The following TBL3 variants were observed in gnomAD, a reference collection of about 807,000 sequenced individuals.
The protein encoded by TBL3 is transducin beta-like protein 3.
A neutral mutation model predicts 102.7 loss-of-function variants in TBL3; 71 were observed. The observed-to-expected ratio is 0.69, with a 90% CI of 0.57 to 0.84. TBL3 has a LOEUF of 0.84. Ranked by LOEUF, TBL3 falls within the 40% of genes least tolerant of loss-of-function variation. The pLI, the probability that TBL3 is intolerant of heterozygous loss-of-function variation, is 0.00. For synonymous variants in TBL3, 578 were observed against 477.7 expected (o/e 1.21, Z -2.74); for missense variants, 1,188 against 1,098.5 (o/e 1.08, Z -1.15).
At position 1,979,731 on chromosome 16, in the gene TBL3, C is replaced by T. The variant is rs2083458728; in HGVS notation, c.*1046C>T. On this transcript the variant is annotated 3_prime_UTR_variant, in exon 22 of 22. Coordinates refer to ENST00000568546, the MANE Select transcript of TBL3 (RefSeq NM_006453.3). ...CGCCCTGCCCGCGGTGCTTCTGGCC[C>T]AGTCTTGCCACACGGTCAAGCCGCA... 3 of 1,358,732 alleles carry T rather than the reference C, an allele frequency of 2.2e-6. No homozygotes were observed. The highest frequency in any genetic ancestry group is 2.8e-5 in the South Asian group (2 of 71,988). 84.2% of individuals were successfully genotyped at this position (1,358,732 alleles called of 1,614,324 possible). A position where few individuals can be genotyped will look rare whatever the true frequency, so the allele number is the denominator to read the frequency against.
rs200275880 is a variant in TBL3 at position 1,977,751 on chromosome 16, G to T, written c.1909G>T (p.Glu637Ter). The T allele has an allele frequency of 1.3e-6, 2 of 1,554,648 alleles. No homozygotes were observed. Among genetic ancestry groups the T allele is most frequent in the Non-Finnish European group, 1.7e-6 (2 of 1,148,552 alleles). Residue 637 changes from glutamate to a stop codon, truncating the protein, a stop_gained, in exon 18 of 22, where the codon GAG becomes TAG. Coordinates refer to ENST00000568546, the MANE Select transcript of TBL3 (RefSeq NM_006453.3). LOFTEE classifies it high-confidence loss of function. The stretch of plus-strand genomic sequence containing the variant: ...CCTAGTCTAACCCCAGGATGTGACC[G>T]AGGCGGAGCAGGCAGAGGAGCAGGC... Reference protein sequence around the residue: ...SRVILWKDVTEAEQAEEQARQ... With the variant: ...SRVILWKDVT
At chr16:1,973,562 C>T (rs1597047138) in intron 1 of TBL3, among the ~76,000 whole-genome samples, 2 of 152,248 alleles carry the variant, frequency 1.3e-5, no homozygotes, top group South Asian at 2.1e-4. Context: ...AGAAGGGGCA[C>T]GAGTGAGGTC....
rs377614051 is a variant in TBL3, at chr16:1,977,571, G to T, written c.1800G>T (p.Thr600=). Residue 600 remains threonine, a synonymous_variant, in exon 17 of 22, where the codon ACG becomes ACT. Coordinates refer to ENST00000568546, the MANE Select transcript of TBL3 (RefSeq NM_006453.3). ...WTIKNNECVR[T]LDAHEDKVWG... ...TCAAGAACAACGAGTGTGTGCGGAC[G>T]CTGGATGCCCACGAGGACAAGGTCT... 2.3e-4 allele frequency: 366 copies of T among 1,587,170 alleles called. 6 individuals are homozygous for T. The South Asian group carries it at 3.6e-3, about 16-fold the overall frequency.
In TBL3 at chr16:1,982,427, A is replaced by C. The variant is rs2083522171; in HGVS notation, c.*3742A>C. 6.6e-6 allele frequency: 1 copy of C among 152,178 alleles called. No individual in the cohort carries two copies. The highest frequency in any genetic ancestry group is 1.5e-5 in the Non-Finnish European group (1 of 68,032). The allele number at this position is 152,178 out of a possible 1,614,324, so 9.4% of individuals were successfully genotyped here. A position where few individuals can be genotyped will look rare whatever the true frequency, so the allele number is the denominator to read the frequency against. Reference sequence around the variant, plus strand: ...CCAGGGGAGACCTTGCTCCCCTGGAAGACAGGAGAAGCTGGGGAGGATTTA... The same window carrying C: ...CCAGGGGAGACCTTGCTCCCCTGGACGACAGGAGAAGCTGGGGAGGATTTA... On this transcript the variant is annotated 3_prime_UTR_variant, in exon 22 of 22. Transcript: ENST00000568546.
In TBL3 at chr16:1,975,723, C is replaced by T. The variant is rs772792161; in HGVS notation, c.987+13C>T. The T allele has an allele frequency of 3.1e-6, 5 of 1,612,294 alleles. No homozygotes were observed. In the Admixed American group the frequency reaches 6.7e-5, roughly 22 times the overall value. On this transcript the variant is annotated intron_variant, in intron 10 of 21. Transcript: ENST00000568546. Reference sequence around the variant, plus strand: ...GCTGCAGAAACAGGTGCACACCTGCCCTTGCTCAGTCTGGAGGCTGCGGGC... The same window carrying T: ...GCTGCAGAAACAGGTGCACACCTGCTCTTGCTCAGTCTGGAGGCTGCGGGC...
At chr16:1,975,495 G>A (rs774668579) in intron 9 of TBL3, 34 bp from the exon 10 acceptor site, 1 of 1,602,798 alleles carries the variant, frequency 6.2e-7, no homozygotes, top group South Asian at 1.1e-5. Context: ...CTGTGGACCT[G>A]AGAGTCTCAG....
Position 1,977,063 on chromosome 16 carries a change from A to C in TBL3, c.1450A>C (p.Ser484Arg), listed in dbSNP as rs2083408286. Residue 484 changes from serine to arginine, a missense_variant, in exon 15 of 22, where the codon AGC (serine) becomes CGC (arginine). Ser to Arg is a moderately radical substitution (Grantham distance 110). Coordinates refer to ENST00000568546, the MANE Select transcript of TBL3 (RefSeq NM_006453.3). ...CTTCTCCCATTGCCAGGACATCAAC[A>C]GCGTGGCTATTGCCCCCAACGACAA... Reference protein sequence around the residue: ...TQRCHDKDINSVAIAPNDKLL... With the variant: ...TQRCHDKDINRVAIAPNDKLL... 6.2e-7 allele frequency: 1 copy of C among 1,613,180 alleles called. No homozygotes were observed. Among genetic ancestry groups the C allele is most frequent in the African/African-American group, 1.3e-5 (1 of 74,908 alleles).
chr16:1,973,050 C>G (rs1314191190), intron 1 of TBL3, among the ~76,000 whole-genome samples: 1 of 152,064 alleles, frequency 6.6e-6, no homozygotes, highest in Non-Finnish European at 1.5e-5. Context: ...CTCTTCTGGG[C>G]AAGGTCTGGG....
Position 1,978,030 on chromosome 16 carries a change from T to C in TBL3, c.2031T>C (p.Asp677=), listed in dbSNP as rs1234330128. Residue 677 remains aspartate (D), a synonymous_variant, in exon 19 of 22, where the codon GAT becomes GAC. Transcript: ENST00000568546. The part of the protein sequence containing the change: ...LRALGLAISL[D]RPHTVLTVIQ... ...CGCTGGGCCTGGCCATCTCCCTGGA[T>C]CGGCCCCACACCGTGCTGACTGTCA... 4 of 1,607,632 alleles carry C rather than the reference T, an allele frequency of 2.5e-6. No homozygotes were observed. Among genetic ancestry groups the C allele is most frequent in the Non-Finnish European group, 3.4e-6 (4 of 1,176,958 alleles).
chr16:1,974,462 C>T (rs374594896), intron 4 of TBL3, 39 bp downstream of exon 4: 30 of 1,591,428 alleles, frequency 1.9e-5, no homozygotes, highest in Non-Finnish European at 2.4e-5. Context: ...CGCTCCAGCG[C>T]CTCCCTCCCA....
In TBL3 at chr16:1,978,564, A is replaced by T; in HGVS notation, c.2306A>T (p.Gln769Leu). The T allele has an allele frequency of 6.2e-7, 1 of 1,607,004 alleles. No homozygotes were observed. ...TGTCCAACCCCAGAGCGGCACTTTC[A>T]GCGGCTCAGCAGGACCCTCCAGGCC... ...ALLPYTERHF[Q>L]RLSRTLQAAA... The change falls in exon 22 of 22, where the codon CAG becomes CTG. Residue 769 changes from glutamine (Q) to leucine (L), a missense_variant. Physicochemically the swap from Gln to Leu is moderately radical, Grantham distance 113. Transcript: ENST00000568546.
Position 1,975,627 on chromosome 16 carries a change from C to T in TBL3, c.904C>T (p.His302Tyr), listed in dbSNP as rs1247311800. Residue 302 changes from histidine (H) to tyrosine (Y), a missense_variant, in exon 10 of 22, where the codon CAC becomes TAC. Coordinates refer to ENST00000568546, the MANE Select transcript of TBL3 (RefSeq NM_006453.3). The part of the protein sequence containing the change: ...GQELTHCTLA[H>Y]TAGVVLTATA... ...GGAGCTGACCCACTGCACCCTGGCA[C>T]ACACCGCCGGCGTGGTCCTCACCGC... 3 of 1,603,630 alleles carry T rather than the reference C, an allele frequency of 1.9e-6. No homozygotes were observed. The highest frequency in any genetic ancestry group is 2.5e-6 in the Non-Finnish European group (3 of 1,179,810).
At position 1,978,752 on chromosome 16, in the gene TBL3, G is replaced by T; in HGVS notation, c.*67G>T. 1 of 1,558,462 alleles carries T rather than the reference G, an allele frequency of 6.4e-7. No homozygotes were observed. Among genetic ancestry groups the T allele is most frequent in the African/African-American group, 1.4e-5 (1 of 73,770 alleles). On this transcript the variant is annotated 3_prime_UTR_variant, in exon 22 of 22. Transcript: ENST00000568546. ...ACCCATAAAGGCCGCTCTCCTGGCC[G>T]GCTCTGTCTCTCTGGACTGCAGTCC...
rs202024453 is a variant in TBL3, at chr16:1,979,312, G to A, written c.*627G>A. 8 of 1,572,228 alleles carry A rather than the reference G, an allele frequency of 5.1e-6. No individual in the cohort carries two copies. Among genetic ancestry groups the A allele is most frequent in the East Asian group, 2.3e-5 (1 of 42,888 alleles). ...AGAGCGCCCAGCCCTTCCGGCCGCAGCAGCACCGCGGGGAGTAGGCCCGCC... is the reference window on the plus strand; with the variant it reads ...AGAGCGCCCAGCCCTTCCGGCCGCAACAGCACCGCGGGGAGTAGGCCCGCC... On this transcript the variant is annotated 3_prime_UTR_variant, in exon 22 of 22. Transcript: ENST00000568546.
At chr16:1,973,209 AAGC>A (rs1372808927) in intron 1 of TBL3, among the ~76,000 whole-genome samples, 21 of 152,252 alleles carry the variant, frequency 1.4e-4, no homozygotes, top group African/African-American at 4.8e-4. Context: ...TTGGAGGCCG[AAGC>A]GGGCGGATCA....
rs759190685 is a variant in TBL3 at position 1,978,583 on chromosome 16, C to A, written c.2325C>A (p.Leu775=). The change falls in exon 22 of 22, where the codon CTC becomes CTA. Residue 775 remains leucine, a synonymous_variant. Transcript: ENST00000568546. The part of the protein sequence containing the change: ...ERHFQRLSRT[L]QAAAFLDFLW... ...ACTTTCAGCGGCTCAGCAGGACCCT[C>A]CAGGCCGCCGCTTTCTTGGACTTCC... The A allele has an allele frequency of 6.2e-7, 1 of 1,612,538 alleles. No homozygotes were observed. Among genetic ancestry groups the A allele is most frequent in the African/African-American group, 1.3e-5 (1 of 74,924 alleles).
Position 1,980,697 on chromosome 16 carries a change from C to A in TBL3, c.*2012C>A, listed in dbSNP as rs1250483189. 6.2e-7 allele frequency: 1 copy of A among 1,606,222 alleles called. No homozygotes were observed. Among genetic ancestry groups the A allele is most frequent in the Admixed American group, 1.7e-5 (1 of 59,180 alleles). On this transcript the variant is annotated 3_prime_UTR_variant, in exon 22 of 22. Coordinates refer to ENST00000568546, the MANE Select transcript of TBL3 (RefSeq NM_006453.3). ...AACGCGGTCAGATCTCCGCAGCAGGCCCGCCTCCACCGGGAAGGTCTCCTT... is the reference window on the plus strand; with the variant it reads ...AACGCGGTCAGATCTCCGCAGCAGGACCGCCTCCACCGGGAAGGTCTCCTT...
chr16:1,979,713 C>A lies in TBL3; in HGVS notation c.*1028C>A. On this transcript the variant is annotated 3_prime_UTR_variant, in exon 22 of 22. Transcript: ENST00000568546. The stretch of plus-strand genomic sequence containing the variant: ...AAGCACGGGCTCCTGGCCCGCCCTG[C>A]CCGCGGTGCTTCTGGCCCAGTCTTG... 1 of 1,291,814 alleles carries A rather than the reference C, an allele frequency of 7.7e-7. No homozygotes were observed. Among genetic ancestry groups the A allele is most frequent in the African/African-American group, 1.5e-5 (1 of 67,496 alleles). 80.0% of individuals were successfully genotyped at this position (1,291,814 alleles called of 1,614,324 possible). A position where few individuals can be genotyped will look rare whatever the true frequency, so the allele number is the denominator to read the frequency against.
rs745905966 is a variant in TBL3 at position 1,979,535 on chromosome 16, CT to C, written c.*851del. The stretch of plus-strand genomic sequence containing the variant: ...TCTCGTAGGCGCGGGAAGCACAGAA[CT>C]GGGGACCTGGTGGGAGTGGGTGTTT... On this transcript the variant is annotated 3_prime_UTR_variant, in exon 22 of 22. Coordinates refer to ENST00000568546, the MANE Select transcript of TBL3 (RefSeq NM_006453.3). 6.2e-7 allele frequency: 1 copy of C among 1,609,422 alleles called. No individual in the cohort carries two copies. The highest frequency in any genetic ancestry group is 2.2e-5 in the East Asian group (1 of 44,800).
Sources: allele counts gnomAD v4.1 joint callset (sites outside exome capture counted in the v4.1 genomes callset), GRCh38; gene constraint gnomAD v4.1.1; transcripts MANE v1.5; gene names NCBI Gene and HGNC (gene_info 2026-07-23, HGNC 2026-07-21).